PRKCE: variants seen among roughly 807,000 people sequenced by gnomAD.
PRKCE encodes the protein protein kinase C epsilon, also known as protein kinase C epsilon type.
PRKCE carries 16 observed loss-of-function variants against 85.4 expected under a neutral mutation model. The ratio of observed to expected loss-of-function variants is 0.19; its 90% CI spans 0.13 to 0.28. The LOEUF (loss-of-function observed/expected upper bound fraction) is 0.28. Ranked by LOEUF, PRKCE falls within the 10% of genes least tolerant of loss-of-function variation. PRKCE has a pLI of 1.00. For missense variants in PRKCE, 573 were observed against 975.2 expected (o/e 0.59, Z 5.49); for synonymous variants, 388 against 371.5 (o/e 1.04, Z -0.51).
intron 10 of PRKCE, among the ~76,000 whole-genome samples, chr2:46,071,048 T>C (rs372151411): frequency 2.0e-4 from 31 of 152,240 alleles, no homozygotes; most frequent in East Asian, 3.8e-4. Context: ...GTCTCATCAC[T>C]GTTCTCTTAA....
intron 1 of PRKCE, among the ~76,000 whole-genome samples, chr2:45,839,004 G>A (rs1691126151): frequency 6.6e-6 from 1 of 152,212 alleles, no homozygotes; most frequent in African/African-American, 2.4e-5. Context: ...TAATCTCACA[G>A]CAGCCCCATT....
chr2:45,738,114 T>G (rs759396207), intron 1 of PRKCE, among the ~76,000 whole-genome samples: 2 of 152,204 alleles, frequency 1.3e-5, no homozygotes, highest in African/African-American at 4.8e-5. Context: ...CTGGCCTCCC[T>G]GCTGCCAATC....
At position 46,139,346 on chromosome 2, in the gene PRKCE, A is replaced by G. The variant is rs537620143; in HGVS notation, c.1593-5747A>G. 3.1e-3 allele frequency among the ~76,000 whole-genome samples: 477 copies of G among 152,308 alleles called. 3 individuals are homozygous for G. Among genetic ancestry groups the G allele is most frequent in the Non-Finnish European group, 5.2e-3 (357 of 68,040 alleles). On this transcript the variant is annotated intron_variant, in intron 11 of 14. Coordinates refer to ENST00000306156, the MANE Select transcript of PRKCE (RefSeq NM_005400.3). The surrounding 1 kb of genome is among the most constrained non-coding windows in gnomAD (Gnocchi z 5.2). ...GGCAGGGCACAGAATGATAAACATA[A>G]ATCAATACCTAGCCTATACATGTGT... is the stretch of plus-strand genomic sequence containing the variant.
At chr2:45,812,933 T>G (rs1688754404) in intron 1 of PRKCE, among the ~76,000 whole-genome samples, 1 of 152,250 alleles carries the variant, frequency 6.6e-6, no homozygotes, top group African/African-American at 2.4e-5. Context: ...TTTGAATTTT[T>G]TAAAGCTTTG....
intron 1 of PRKCE, among the ~76,000 whole-genome samples, chr2:45,798,061 C>T (rs138065035): frequency 5.3e-5 from 8 of 152,260 alleles, no homozygotes; most frequent in South Asian, 4.1e-4. Flanking sequence ...GGAGCCAGCT[C>T]CTTGGCGTGT....
At chr2:46,094,349 T>G (rs2103989614) in intron 11 of PRKCE, among the ~76,000 whole-genome samples, 1 of 152,256 alleles carries the variant, frequency 6.6e-6, no homozygotes. Context: ...ATATAGGAAG[T>G]GAAATATTGA....
intron 1 of PRKCE, among the ~76,000 whole-genome samples, chr2:45,712,489 G>A (rs1172541058): frequency 1.3e-5 from 2 of 152,074 alleles, no homozygotes; most frequent in Non-Finnish European, 2.9e-5. Context: ...ATCTGATCAT[G>A]CTATTCCCCC....
intron 14 of PRKCE, among the ~76,000 whole-genome samples, chr2:46,182,339 G>A (rs942868774): frequency 3.9e-5 from 6 of 152,144 alleles, no homozygotes; most frequent in East Asian, 3.9e-4. Context: ...GTCAGTGTGC[G>A]TCACCGTGGG....
chr2:45,675,173 A>G (rs543772467), intron 1 of PRKCE: 26 of 152,332 alleles, frequency 1.7e-4, no homozygotes, highest in Admixed American at 3.9e-4. Context: ...TGTAAGTTAC[A>G]AAACAAAATA....
intron 11 of PRKCE, among the ~76,000 whole-genome samples, chr2:46,108,930 G>T (rs747615787): frequency 6.6e-6 from 1 of 150,718 alleles, no homozygotes; most frequent in South Asian, 2.1e-4. Flanking sequence ...ATGTCCAGTT[G>T]TTCAAGCACC....
chr2:45,972,046 T>A (rs986999137), intron 2 of PRKCE, among the ~76,000 whole-genome samples: 20 of 152,212 alleles, frequency 1.3e-4, no homozygotes, highest in Admixed American at 1.3e-3. Context: ...CGATACTGTT[T>A]CCTATAGTGG....
chr2:45,881,362 GTGGACACATCTTAAAACACTTAGA>G, intron 2 of PRKCE, among the ~76,000 whole-genome samples: 1 of 152,198 alleles, frequency 6.6e-6, no homozygotes, highest in South Asian at 2.1e-4. Context: ...TGCAATCCAG[GTGGACACATCTTAAAACACTTAGA>G]TGGACACATT....
chr2:46,179,275 G>A (rs1218025523), intron 14 of PRKCE, among the ~76,000 whole-genome samples: 2 of 152,148 alleles, frequency 1.3e-5, no homozygotes, highest in African/African-American at 4.8e-5. Context: ...AGTTTATGAC[G>A]TCAGCACAGT....
In PRKCE at chr2:46,111,595, A is replaced by C. The variant is rs534401763; in HGVS notation, c.1592+25233A>C. 1.4e-4 allele frequency among the ~76,000 whole-genome samples: 22 copies of C among 152,288 alleles called. No homozygotes were observed. The South Asian group carries it at 4.6e-3, about 32-fold the overall frequency. On this transcript the variant is annotated intron_variant, in intron 11 of 14. Transcript: ENST00000306156. ...TTGCACAAATGGGATCACACAATAC[A>C]TGGTTATTTGTTACTGGCTTCTTTT...
At chr2:45,892,098 C>A (rs974815448) in intron 2 of PRKCE, among the ~76,000 whole-genome samples, 9 of 152,242 alleles carry the variant, frequency 5.9e-5, no homozygotes, top group Non-Finnish European at 8.8e-5. Context: ...TCCCCAAATG[C>A]CCTGTACCTT....
intron 14 of PRKCE, among the ~76,000 whole-genome samples, chr2:46,173,495 A>G (rs1679119494): frequency 6.6e-6 from 1 of 152,286 alleles, no homozygotes; most frequent in African/African-American, 2.4e-5. Flanking sequence ...CAGCATTGAA[A>G]GTCTCCTTGA....
intron 1 of PRKCE, among the ~76,000 whole-genome samples, chr2:45,787,519 T>A (rs1183283045): frequency 6.6e-6 from 1 of 152,070 alleles, no homozygotes; most frequent in Non-Finnish European, 1.5e-5. Context: ...GCCAGGCAGG[T>A]CTTTTCCAGA....
chr2:45,839,479 G>A (rs1210699849), intron 1 of PRKCE, among the ~76,000 whole-genome samples: 2 of 152,218 alleles, frequency 1.3e-5, no homozygotes, highest in Admixed American at 6.5e-5. Flanking sequence ...GATAAATTAG[G>A]TTGCATCTGG....
chr2:45,919,834 C>G (rs57389124), intron 2 of PRKCE, among the ~76,000 whole-genome samples: 2,314 of 152,352 alleles, frequency 0.015, 62 homozygotes, highest in African/African-American at 0.053. Flanking sequence ...ACATCAGAAC[C>G]TCCCCAAAGG....
Sources: gnomAD v4.1 joint callset for allele counts (sites outside exome capture counted in the v4.1 genomes callset) on GRCh38, gnomAD v4.1.1 for gene constraint, Gnocchi (gnomAD v3.1) non-coding constraint, MANE v1.5 for transcripts, NCBI Gene and HGNC (gene_info 2026-07-23, HGNC 2026-07-21) for gene names.